Variants in RAI1 observed in about 807,000 individuals in gnomAD.
RAI1 encodes retinoic acid-induced protein 1.
A neutral mutation model predicts 123.8 loss-of-function variants in RAI1; 9 were observed. The observed-to-expected ratio is 0.07, with a 90% confidence interval of 0.04 to 0.13. The LOEUF (loss-of-function observed/expected upper bound fraction) is 0.13, where lower values mean the gene tolerates loss of function less well. Ranked by LOEUF, RAI1 falls within the 10% of genes least tolerant of loss-of-function variation. RAI1 has a pLI of 1.00. For missense variants in RAI1, 2,256 were observed against 2,545.8 expected (o/e 0.89, Z 2.45); for synonymous variants, 1,231 against 1,127.3 (o/e 1.09, Z -1.84).
Position 17,798,287 on chromosome 17 carries a change from T to G in RAI1, c.5339T>G (p.Leu1780Arg). ...AGTGCCCGGGGCCTGTCCCGGAGGC[T>G]GCAGAGCTGCTACTGCTGTGATGGC... ...RTSARGLSRR[L>R]QSCYCCDGRE... The change falls in exon 3 of 6, where the codon CTG becomes CGG. Residue 1780 changes from leucine (L) to arginine (R), a missense_variant. Physicochemically the swap from Leu to Arg is moderately radical, Grantham distance 102. This residue lies in a region of RAI1 where 243 missense variants were observed against 316.6 expected (regional missense o/e 0.77). Coordinates refer to ENST00000353383, the MANE Select transcript of RAI1 (RefSeq NM_030665.4). The G allele has an allele frequency of 6.3e-7, 1 of 1,597,124 alleles. No individual in the cohort carries two copies. The highest frequency in any genetic ancestry group is 8.5e-7 in the Non-Finnish European group (1 of 1,171,310).
chr17:17,748,100 G>A (rs1347561232), intron 2 of RAI1, among the ~76,000 whole-genome samples: 2 of 152,218 alleles, frequency 1.3e-5, no homozygotes, highest in African/African-American at 2.4e-5. Flanking sequence ...GGCGGAAGGC[G>A]AAAGGCATGT....
At chr17:17,785,001 C>T (rs2031773626) in intron 2 of RAI1, among the ~76,000 whole-genome samples, 1 of 152,134 alleles carries the variant, frequency 6.6e-6, no homozygotes, top group African/African-American at 2.4e-5. Context: ...CACCTCCTCT[C>T]CCCACCCCCA....
At chr17:17,707,112 C>T (rs1915417973) in intron 1 of RAI1, among the ~76,000 whole-genome samples, 1 of 152,090 alleles carries the variant, frequency 6.6e-6, no homozygotes, top group Non-Finnish European at 1.5e-5. Context: ...GAGTTCGAGG[C>T]CAGCCTGGGC....
rs1252586358 is a variant in RAI1, at chr17:17,793,851, A to T, written c.903A>T (p.Glu301Asp). 1 of 1,613,192 alleles carries T rather than the reference A, an allele frequency of 6.2e-7. No homozygotes were observed. The highest frequency in any genetic ancestry group is 8.5e-7 in the Non-Finnish European group (1 of 1,180,014). The change falls in exon 3 of 6, where the codon GAA becomes GAT. Residue 301 changes from glutamate to aspartate, a missense_variant. This residue lies in a region of RAI1 where 357 missense variants were observed against 480.2 expected (regional missense o/e 0.74). Coordinates refer to ENST00000353383, the MANE Select transcript of RAI1 (RefSeq NM_030665.4). The part of the protein sequence containing the change: ...QALQSRHHAQ[E>D]TLHYQNLAKY... The stretch of plus-strand genomic sequence containing the variant: ...TTCAGAGCCGGCACCATGCCCAGGA[A>T]ACCCTCCATTACCAAAACCTCGCCA...
intron 2 of RAI1, among the ~76,000 whole-genome samples, chr17:17,746,335 C>T (rs2029916381): frequency 1.3e-5 from 2 of 152,218 alleles, no homozygotes; most frequent in African/African-American, 4.8e-5. Context: ...ACGTTATTTT[C>T]CTGATTGAAG....
In RAI1 at chr17:17,803,792, G is replaced by T; in HGVS notation, c.5602G>T (p.Gly1868Trp). Residue 1868 changes from glycine to tryptophan, a missense_variant, in exon 4 of 6, where the codon GGG becomes TGG. Physicochemically the swap from Gly to Trp is radical, Grantham distance 184. This residue lies in a region of RAI1 where 243 missense variants were observed against 316.6 expected (regional missense o/e 0.77). Coordinates refer to ENST00000353383, the MANE Select transcript of RAI1 (RefSeq NM_030665.4). ...CTGCCAAGAAGCCGGGGCCACCATT[G>T]GGTGCTGCCACAAAGGATGCCTCCA... ...SSCQEAGATI[G>W]CCHKGCLHTY... 1 of 1,613,396 alleles carries T rather than the reference G, an allele frequency of 6.2e-7. No homozygotes were observed. The highest frequency in any genetic ancestry group is 8.5e-7 in the Non-Finnish European group (1 of 1,179,956).
chr17:17,682,339 C>T (rs1039211854), intron 1 of RAI1, among the ~76,000 whole-genome samples: 23 of 151,824 alleles, frequency 1.5e-4, no homozygotes, highest in African/African-American at 5.3e-4. Context: ...TGCGGTGTCC[C>T]TACCCGGGCA....
intron 3 of RAI1, among the ~76,000 whole-genome samples, chr17:17,803,085 C>CAAAAAAAAA: frequency 1.8e-5 from 1 of 55,942 alleles, no homozygotes; most frequent in South Asian, 7.3e-4. Flanking sequence ...AATTCTGTCT[C>CAAAAAAAAA]AAAAAAAAAA....
chr17:17,793,275 A>G lies in RAI1; in HGVS notation c.327A>G (p.Pro109=), dbSNP rs750435058. 1.2e-6 allele frequency: 2 copies of G among 1,612,280 alleles called. No individual in the cohort carries two copies. Among genetic ancestry groups the G allele is most frequent in the Non-Finnish European group, 1.7e-6 (2 of 1,179,698 alleles). Residue 109 remains proline (P), a synonymous_variant, in exon 3 of 6, where the codon CCA becomes CCG. Transcript: ENST00000353383. The part of the protein sequence containing the change: ...GYGVQDSSPY[P]GRYAGEESLQ... Reference sequence around the variant, plus strand: ...GCGTCCAGGACAGCAGCCCCTACCCAGGCCGCTATGCTGGTGAGGAGAGCC... The same window carrying G: ...GCGTCCAGGACAGCAGCCCCTACCCGGGCCGCTATGCTGGTGAGGAGAGCC...
chr17:17,809,953 G>A lies in RAI1; in HGVS notation c.5710-17G>A. On this transcript the variant is annotated splice_polypyrimidine_tract_variant and intron_variant, in intron 5 of 5. Transcript: ENST00000353383. This position sits in a 1 kb window ranked among gnomAD's most constrained non-coding sequence, Gnocchi z 4.9. ...GTCCGAGGTCGTCGGTAACTGGCGG[G>A]CGGGCGTCTTTTGCAGAGGCTGCCG... is the stretch of plus-strand genomic sequence containing the variant. 1 of 1,559,270 alleles carries A rather than the reference G, an allele frequency of 6.4e-7. No homozygotes were observed. Among genetic ancestry groups the A allele is most frequent in the South Asian group, 1.2e-5 (1 of 84,758 alleles).
intron 2 of RAI1, chr17:17,777,070 A>T (rs904334768): frequency 1.3e-5 from 2 of 152,110 alleles, no homozygotes; most frequent in Non-Finnish European, 2.9e-5. Flanking sequence ...AGAACCTCCC[A>T]GATGTATCTC....
chr17:17,753,128 C>G (rs1168967501), intron 2 of RAI1, among the ~76,000 whole-genome samples: 1 of 152,162 alleles, frequency 6.6e-6, no homozygotes, highest in Non-Finnish European at 1.5e-5. Flanking sequence ...GCCCGAGGAG[C>G]CTGGTTTGGT....
At position 17,763,863 on chromosome 17, in the gene RAI1, T is replaced by A. The variant is rs1307488528; in HGVS notation, c.-16-29070T>A. Reference sequence around the variant, plus strand: ...GGGTTTGACCCTCACTCATGCCAGGTCTCTGACCAGACAGCTGGGAAACTG... The same window carrying A: ...GGGTTTGACCCTCACTCATGCCAGGACTCTGACCAGACAGCTGGGAAACTG... On this transcript the variant is annotated intron_variant, in intron 2 of 5. Coordinates refer to ENST00000353383, the MANE Select transcript of RAI1 (RefSeq NM_030665.4). 5.3e-5 allele frequency among the ~76,000 whole-genome samples: 8 copies of A among 152,160 alleles called. 1 individual carries two copies. The South Asian group carries it at 1.7e-3, about 32-fold the overall frequency.
chr17:17,682,197 G>C (rs1914448721), intron 1 of RAI1, among the ~76,000 whole-genome samples: 1 of 151,990 alleles, frequency 6.6e-6, no homozygotes, highest in Non-Finnish European at 1.5e-5. Flanking sequence ...GCGGAGGTGA[G>C]CTTTGTGAGT....
At chr17:17,786,537 AAGGTGACAG>A (rs575519063) in intron 2 of RAI1, among the ~76,000 whole-genome samples, 206 of 152,278 alleles carry the variant, frequency 1.4e-3, no homozygotes, top group African/African-American at 4.8e-3. Flanking sequence ...GCTTATTGAG[AAGGTGACAG>A]AGGTGACAGA....
intron 2 of RAI1, chr17:17,782,240 G>C (rs540443762): frequency 6.6e-6 from 1 of 152,172 alleles, no homozygotes; most frequent in Non-Finnish European, 1.5e-5. Flanking sequence ...TCCTCGGCTG[G>C]TGGAGCGGGC....
intron 1 of RAI1, among the ~76,000 whole-genome samples, chr17:17,700,560 C>G (rs948735727): frequency 1.1e-4 from 16 of 152,210 alleles, no homozygotes; most frequent in Admixed American, 3.3e-4. Flanking sequence ...GAGGCGCGGC[C>G]GGCCGCGGAA....
intron 2 of RAI1, among the ~76,000 whole-genome samples, chr17:17,764,998 C>T (rs1567884291): frequency 6.6e-6 from 1 of 152,212 alleles, no homozygotes; most frequent in African/African-American, 2.4e-5. Context: ...ATTTCTCCCT[C>T]CTACTTTTGA....
chr17:17,810,123 A>G lies in RAI1; in HGVS notation c.*142A>G. The G allele has an allele frequency of 1.6e-6, 2 of 1,231,670 alleles. No individual in the cohort carries two copies. Among genetic ancestry groups the G allele is most frequent in the Admixed American group, 2.8e-5 (1 of 35,470 alleles). 76.3% of individuals were successfully genotyped at this position (1,231,670 alleles called of 1,614,324 possible). A position where few individuals can be genotyped will look rare whatever the true frequency, so the allele number is the denominator to read the frequency against. ...AGCCGATCCTTGATCCGGGTCCCGG[A>G]TCGTGGATCCGGCCGCCTAGGGCTC... On this transcript the variant is annotated 3_prime_UTR_variant, in exon 6 of 6. Coordinates refer to ENST00000353383, the MANE Select transcript of RAI1 (RefSeq NM_030665.4). This position sits in a 1 kb window ranked among gnomAD's most constrained non-coding sequence, Gnocchi z 4.6.
Sources: gnomAD v4.1 joint callset for allele counts (sites outside exome capture counted in the v4.1 genomes callset) on GRCh38, gnomAD v4.1.1 for gene constraint, gnomAD v4.1.1 regional missense constraint, Gnocchi (gnomAD v3.1) non-coding constraint, MANE v1.5 for transcripts, NCBI Gene and HGNC (gene_info 2026-07-23, HGNC 2026-07-21) for gene names.